FGF12: variants seen among roughly 807,000 people sequenced by gnomAD.
FGF12 encodes fibroblast growth factor 12.
A neutral mutation model predicts 23.6 loss-of-function variants in FGF12; 14 were observed. The observed-to-expected ratio is 0.59, with a 90% confidence interval of 0.39 to 0.93. The LOEUF is 0.93. Among genes scored for constraint, FGF12 ranks in the 40% least tolerant of loss-of-function variants. The pLI, the probability that FGF12 is intolerant of heterozygous loss-of-function variation, is 0.00. For synonymous variants in FGF12, 62 were observed against 77.3 expected (o/e 0.80, Z 1.04); for missense variants, 175 against 217.8 (o/e 0.80, Z 1.24).
chr3:192,537,006 A>G (rs1233535915), intron 2 of FGF12, among the ~76,000 whole-genome samples: 2 of 152,028 alleles, frequency 1.3e-5, no homozygotes, highest in Non-Finnish European at 2.9e-5. Flanking sequence ...CCCTGAGTTC[A>G]ATTGTTTTAA....
At chr3:192,676,107 T>A (rs138152803) in intron 2 of FGF12, among the ~76,000 whole-genome samples, 88 of 152,330 alleles carry the variant, frequency 5.8e-4, no homozygotes, top group African/African-American at 2.0e-3. Flanking sequence ...GAAGACCATA[T>A]GAGTATTCTC....
In FGF12 at chr3:192,335,470, G is replaced by GA. The variant is rs772997726; in HGVS notation, c.125-7_125-6insT. On this transcript the variant is annotated splice_region_variant and splice_polypyrimidine_tract_variant and intron_variant, in intron 3 of 5. Coordinates refer to ENST00000445105, the MANE Select transcript of FGF12 (RefSeq NM_004113.6). ...GGGAATTAGATTGAAGAGAGCTGGG[G>GA]GGAGAAAAAGAAGGGCGGAAAGGAT... The GA allele has an allele frequency of 2.5e-6, 4 of 1,592,586 alleles. 1 individual carries two copies. The highest frequency in any genetic ancestry group is 2.2e-5 in the South Asian group (2 of 90,568).
chr3:192,450,492 C>CA (rs1477231519), intron 2 of FGF12, among the ~76,000 whole-genome samples: 1 of 152,172 alleles, frequency 6.6e-6, no homozygotes, highest in Non-Finnish European at 1.5e-5. Flanking sequence ...ACACAGGATA[C>CA]TGAGTAGATT....
At chr3:192,364,985 C>T (rs1466932329) in intron 2 of FGF12, among the ~76,000 whole-genome samples, 1 of 151,952 alleles carries the variant, frequency 6.6e-6, no homozygotes, top group Non-Finnish European at 1.5e-5. Flanking sequence ...AGCACTTTAC[C>T]TCTGTGATCT....
intron 4 of FGF12, among the ~76,000 whole-genome samples, chr3:192,271,159 G>T (rs148167438): frequency 9.4e-4 from 143 of 152,220 alleles, no homozygotes; most frequent in Non-Finnish European, 1.9e-3. Flanking sequence ...ATCATTTTTG[G>T]TTACCAAGGA....
intron 2 of FGF12, among the ~76,000 whole-genome samples, chr3:192,548,720 G>A (rs551128153): frequency 1.3e-5 from 2 of 152,090 alleles, no homozygotes; most frequent in South Asian, 4.2e-4. Context: ...TAGACTCAAA[G>A]ACAATCATGT....
intron 3 of FGF12, among the ~76,000 whole-genome samples, chr3:192,358,616 C>G (rs1239496869): frequency 1.3e-5 from 2 of 152,024 alleles, no homozygotes; most frequent in Admixed American, 6.6e-5. Flanking sequence ...GCAGAGCAAG[C>G]GTTGTCAATT....
chr3:192,470,882 A>T (rs932582312), intron 2 of FGF12, among the ~76,000 whole-genome samples: 6 of 151,828 alleles, frequency 4.0e-5, no homozygotes, highest in Non-Finnish European at 7.4e-5. Flanking sequence ...GCTGCGGCTG[A>T]CCCTTCTGTC....
rs1463170152 is a variant in FGF12 at position 192,408,376 on chromosome 3, C to T, written c.14-47838G>A. On this transcript the variant is annotated intron_variant, in intron 2 of 5. Coordinates refer to ENST00000445105, the MANE Select transcript of FGF12 (RefSeq NM_004113.6). This position sits in a 1 kb window ranked among gnomAD's most constrained non-coding sequence, Gnocchi z 7.3. ...GGAGGCTGCAGTATCGAAAACCCGG[C>T]GCTCACAAGGTTAGTCAAAGTCTGG... is the stretch of plus-strand genomic sequence containing the variant. 4 of 1,418,276 alleles carry T rather than the reference C, an allele frequency of 2.8e-6. No homozygotes were observed. Among genetic ancestry groups the T allele is most frequent in the African/African-American group, 1.4e-5 (1 of 69,022 alleles). The allele number at this position is 1,418,276 out of a possible 1,614,324, so 87.9% of individuals were successfully genotyped here.
chr3:192,619,174 G>A (rs7619604), intron 2 of FGF12, among the ~76,000 whole-genome samples: 3,831 of 152,072 alleles, frequency 0.025, 146 homozygotes, highest in East Asian at 0.15. Flanking sequence ...TTGGCTGCCT[G>A]TAACCTCTAT....
intron 2 of FGF12, among the ~76,000 whole-genome samples, chr3:192,721,697 G>A (rs1719044436): frequency 6.6e-6 from 1 of 152,158 alleles, no homozygotes; most frequent in Non-Finnish European, 1.5e-5. Flanking sequence ...CTATTACTGA[G>A]GGTAACAAGC....
intron 2 of FGF12, among the ~76,000 whole-genome samples, chr3:192,482,935 T>C (rs1007748889): frequency 1.3e-5 from 2 of 152,208 alleles, no homozygotes; most frequent in African/African-American, 4.8e-5. Flanking sequence ...CATTTCCTTG[T>C]TCGAGGCTGC....
Position 192,464,802 on chromosome 3 carries a change from A to G in FGF12, c.14-104264T>C, listed in dbSNP as rs556152003. Among the ~76,000 whole-genome samples the G allele has an allele frequency of 5.3e-5, 8 of 152,186 alleles. No individual in the cohort carries two copies. In the South Asian group the frequency reaches 1.0e-3, roughly 20 times the overall value. On this transcript the variant is annotated intron_variant, in intron 2 of 5. Coordinates refer to ENST00000445105, the MANE Select transcript of FGF12 (RefSeq NM_004113.6). Reference sequence around the variant, plus strand: ...GGGAAGGGTAGTGCAAGCCTGCCTGAATGTGTTAAAAACAGGTGTGGCAAT... The same window carrying G: ...GGGAAGGGTAGTGCAAGCCTGCCTGGATGTGTTAAAAACAGGTGTGGCAAT...
intron 4 of FGF12, among the ~76,000 whole-genome samples, chr3:192,175,614 G>C (rs915253758): frequency 6.6e-6 from 1 of 152,118 alleles, no homozygotes; most frequent in Non-Finnish European, 1.5e-5. Flanking sequence ...CTGAGTTTTT[G>C]TTCTATCATG....
At chr3:192,630,876 A>G (rs1361687549) in intron 2 of FGF12, among the ~76,000 whole-genome samples, 1 of 151,540 alleles carries the variant, frequency 6.6e-6, no homozygotes, top group Non-Finnish European at 1.5e-5. Context: ...TTTTTCTTAG[A>G]AAAACTATAT....
rs149046739 is a variant in FGF12, at chr3:192,705,381, G to A, written c.13+21800C>T. Among the ~76,000 whole-genome samples, 612 of 152,294 alleles carry A rather than the reference G, an allele frequency of 4.0e-3. 6 individuals carry two copies. Among genetic ancestry groups the A allele is most frequent in the Middle Eastern group, 6.8e-3 (2 of 294 alleles). ...GGCCTGAGAAGAGGGAGAAAGATGGGGAACAGACAGTCAGTCAGAACACAC... is the reference window on the plus strand; with the variant it reads ...GGCCTGAGAAGAGGGAGAAAGATGGAGAACAGACAGTCAGTCAGAACACAC... On this transcript the variant is annotated intron_variant, in intron 2 of 5. Coordinates refer to ENST00000445105, the MANE Select transcript of FGF12 (RefSeq NM_004113.6).
At chr3:192,327,555 G>A (rs1716883354) in intron 4 of FGF12, among the ~76,000 whole-genome samples, 1 of 127,816 alleles carries the variant, frequency 7.8e-6, no homozygotes, top group South Asian at 2.7e-4. Flanking sequence ...CATCGCTATA[G>A]TTTGAAAAAA....
At chr3:192,606,086 G>A (rs1318609880) in intron 2 of FGF12, among the ~76,000 whole-genome samples, 2 of 152,136 alleles carry the variant, frequency 1.3e-5, no homozygotes, top group African/African-American at 4.8e-5. Flanking sequence ...GTTCATCACA[G>A]CACTATTCAC....
At chr3:192,567,838 CTTTCT>C (rs1712413133) in intron 2 of FGF12, among the ~76,000 whole-genome samples, 2 of 137,634 alleles carry the variant, frequency 1.5e-5, no homozygotes, top group Non-Finnish European at 3.2e-5. Context: ...TCTTTTCTTT[CTTTCT>C]TTCTTTTTTT....
Sources: gnomAD v4.1 joint callset for allele counts (sites outside exome capture counted in the v4.1 genomes callset) on GRCh38, gnomAD v4.1.1 for gene constraint, Gnocchi (gnomAD v3.1) non-coding constraint, MANE v1.5 for transcripts, NCBI Gene and HGNC (gene_info 2026-07-23, HGNC 2026-07-21) for gene names.